Variants in RTTN observed in about 807,000 individuals in gnomAD.
RTTN encodes rotatin.
Under a neutral mutation model 269.2 loss-of-function variants are expected in RTTN, and 182 were observed. That is an observed-to-expected ratio of 0.68 (90% CI 0.60 to 0.76). RTTN has a LOEUF of 0.76. Ranked by LOEUF, RTTN falls within the 30% of genes least tolerant of loss-of-function variation. The pLI, the probability that RTTN is intolerant of heterozygous loss-of-function variation, is 0.00. For synonymous variants in RTTN, 1,006 were observed against 963.5 expected, an observed-to-expected ratio of 1.04 and a Z score of -0.82; for missense variants, 2,545 against 2,608.6, an observed-to-expected ratio of 0.98 and a Z score of 0.53.
intron 27 of RTTN, 57 bp from the exon 28 acceptor site, chr18:70,109,774 G>T: frequency 7.3e-7 from 1 of 1,371,046 alleles, no homozygotes; most frequent in Non-Finnish European, 1.0e-6. Context: ...GGCTTAATGG[G>T]CTATCTTACT....
chr18:70,124,865 G>A (rs1284442714), intron 25 of RTTN, among the ~76,000 whole-genome samples: 9 of 151,974 alleles, frequency 5.9e-5, no homozygotes, highest in Non-Finnish European at 1.3e-4. Flanking sequence ...GGTGAAAAAT[G>A]GAGAAAAACA....
At chr18:70,203,200 T>C (rs1219868984) in intron 3 of RTTN, among the ~76,000 whole-genome samples, 1 of 151,728 alleles carries the variant, frequency 6.6e-6, no homozygotes, top group Non-Finnish European at 1.5e-5. Context: ...TATGAGAAAG[T>C]GTTCTTTTTT....
intron 28 of RTTN, among the ~76,000 whole-genome samples, chr18:70,102,417 T>C (rs2059194324): frequency 6.6e-6 from 1 of 152,194 alleles, no homozygotes. Flanking sequence ...TGTTTTCCAT[T>C]TGCTTGGTTG....
intron 28 of RTTN, among the ~76,000 whole-genome samples, chr18:70,106,292 C>G (rs2059319473): frequency 6.6e-6 from 1 of 152,176 alleles, no homozygotes; most frequent in South Asian, 2.1e-4. Flanking sequence ...CTGTAGTGAG[C>G]TGTGATTGCA....
intron 37 of RTTN, among the ~76,000 whole-genome samples, chr18:70,055,375 T>C (rs934069209): frequency 1.3e-5 from 2 of 152,072 alleles, no homozygotes; most frequent in Admixed American, 1.3e-4. Context: ...TGTAAGAGTG[T>C]AATGAAGAGT....
chr18:70,006,709 T>G (rs2056200664), intron 46 of RTTN: 1 of 428,428 alleles, frequency 2.3e-6, no homozygotes. Context: ...ACACTGAAGC[T>G]GCTTCATTTT....
Position 70,145,635 on chromosome 18 carries a change from C to T in RTTN, c.2458G>A (p.Asp820Asn). 6.2e-7 allele frequency: 1 copy of T among 1,608,130 alleles called. No homozygotes were observed. The highest frequency in any genetic ancestry group is 8.5e-7 in the Non-Finnish European group (1 of 1,178,064). The change falls in exon 18 of 49, where the codon GAC (aspartate) becomes AAC (asparagine). Residue 820 changes from aspartate (D) to asparagine (N), a missense_variant. Asp to Asn is a conservative substitution (Grantham distance 23, BLOSUM62 1). Coordinates refer to ENST00000640769, the MANE Select transcript of RTTN (RefSeq NM_173630.4). ...GKKPIELRLD[D>N]RRELVIKLET... is the part of the protein sequence containing the mutation. ...ACCTTAATAACCAGCTCTCTTCTGT[C>T]ATCCAGTCTGAGTTCAATAGGTTTC... is the stretch of plus-strand genomic sequence containing the variant.
At chr18:70,085,460 C>T (rs1282603270) in intron 32 of RTTN, among the ~76,000 whole-genome samples, 2 of 152,142 alleles carry the variant, frequency 1.3e-5, no homozygotes, top group East Asian at 3.8e-4. Context: ...TGCTACGGTT[C>T]AGCTTGTTTC....
intron 35 of RTTN, among the ~76,000 whole-genome samples, chr18:70,062,107 T>C (rs1242095988): frequency 3.3e-5 from 5 of 152,208 alleles, no homozygotes; most frequent in East Asian, 1.9e-4. Context: ...ATTTTGCCAA[T>C]AGTCTGAGGA....
chr18:70,024,067 G>A (rs910812715), intron 44 of RTTN, among the ~76,000 whole-genome samples: 5 of 152,178 alleles, frequency 3.3e-5, no homozygotes, highest in African/African-American at 1.2e-4. Flanking sequence ...ACAGGCATGA[G>A]CCACTGCACC....
chr18:70,040,009 C>T (rs2057293184), intron 40 of RTTN, among the ~76,000 whole-genome samples: 1 of 151,616 alleles, frequency 6.6e-6, no homozygotes. Context: ...ATTAACATAC[C>T]ACCAAAGAAA....
intron 40 of RTTN, among the ~76,000 whole-genome samples, chr18:70,045,967 T>A (rs1461303295): frequency 6.6e-6 from 1 of 152,146 alleles, no homozygotes; most frequent in Non-Finnish European, 1.5e-5. Flanking sequence ...AACAAAAAAA[T>A]TATAAACAAA....
intron 28 of RTTN, among the ~76,000 whole-genome samples, chr18:70,094,264 T>G (rs762442300): frequency 1.1e-4 from 17 of 152,018 alleles, no homozygotes; most frequent in Non-Finnish European, 2.5e-4. Context: ...GATTCATTGA[T>G]TTTTTTTGAA....
At chr18:70,127,872 G>T in intron 24 of RTTN, 131 bp from the exon 25 acceptor site, 1 of 825,554 alleles carries the variant, frequency 1.2e-6, no homozygotes, top group Non-Finnish European at 1.8e-6. Context: ...TTGACTTACA[G>T]CCAGAAGAAA....
intron 6 of RTTN, among the ~76,000 whole-genome samples, chr18:70,197,047 C>T (rs551085161): frequency 2.6e-5 from 4 of 152,262 alleles, no homozygotes; most frequent in South Asian, 2.1e-4. Context: ...CTTTCCTCTG[C>T]GATCATTTGC....
At chr18:70,013,392 TA>T (rs1250367120) in intron 46 of RTTN, among the ~76,000 whole-genome samples, 10 of 143,732 alleles carry the variant, frequency 7.0e-5, no homozygotes, top group African/African-American at 2.7e-4. Flanking sequence ...TATATATACA[TA>T]TGTGTGTGTG....
At chr18:70,025,661 C>G (rs933038210) in intron 43 of RTTN, among the ~76,000 whole-genome samples, 1 of 152,216 alleles carries the variant, frequency 6.6e-6, no homozygotes. Context: ...CTGTGGCACA[C>G]GGCCCTCCAT....
chr18:70,015,474 T>G (rs562881125), intron 46 of RTTN, among the ~76,000 whole-genome samples: 2 of 152,310 alleles, frequency 1.3e-5, no homozygotes, highest in Admixed American at 1.3e-4. Context: ...TGGGAGACTT[T>G]TAAGCTGGCT....
chr18:70,103,044 C>T (rs2059216000), intron 28 of RTTN, among the ~76,000 whole-genome samples: 1 of 150,648 alleles, frequency 6.6e-6, no homozygotes, highest in East Asian at 2.0e-4. Context: ...CTCTGCCCAG[C>T]TGTCCCGTCT....
Sources: gnomAD v4.1 joint callset for allele counts (sites outside exome capture counted in the v4.1 genomes callset) on GRCh38, gnomAD v4.1.1 for gene constraint, MANE v1.5 for transcripts, NCBI Gene and HGNC (gene_info 2026-07-23, HGNC 2026-07-21) for gene names.